PNPLA1: variants seen among roughly 807,000 people sequenced by gnomAD.
PNPLA1 encodes patatin like domain 1, omega-hydroxyceramide transacylase.
A neutral mutation model predicts 51.7 loss-of-function variants in PNPLA1; 36 were observed. That is an observed-to-expected ratio of 0.70 (90% CI 0.53 to 0.92). The LOEUF (loss-of-function observed/expected upper bound fraction) is 0.92, where lower values mean the gene tolerates loss of function less well. Among genes scored for constraint, PNPLA1 ranks in the 40% least tolerant of loss-of-function variants. The pLI is 0.00. For missense variants in PNPLA1, 658 were observed against 682.5 expected (o/e 0.96, Z 0.40); for synonymous variants, 293 against 280.1 (o/e 1.05, Z -0.46).
intron 8 of PNPLA1, chr6:36,308,694 G>C (rs1433401619): frequency 6.6e-6 from 1 of 152,092 alleles, no homozygotes; most frequent in Non-Finnish European, 1.5e-5. Flanking sequence ...CCTAAACCAA[G>C]TTTTAATTTT....
intron 5 of PNPLA1, among the ~76,000 whole-genome samples, chr6:36,297,740 T>A (rs2127348719): frequency 6.6e-6 from 1 of 152,268 alleles, no homozygotes; most frequent in African/African-American, 2.4e-5. Flanking sequence ...AGGTTGGAGC[T>A]CAGAGGATGC....
At chr6:36,282,103 A>G (rs1160981880) in intron 1 of PNPLA1, among the ~76,000 whole-genome samples, 1 of 142,624 alleles carries the variant, frequency 7.0e-6, no homozygotes, top group East Asian at 2.0e-4. Context: ...GAAGGAAGGA[A>G]GGAAGGAAGG....
intron 1 of PNPLA1, among the ~76,000 whole-genome samples, chr6:36,280,399 G>T (rs1169137361): frequency 6.6e-6 from 1 of 152,150 alleles, no homozygotes; most frequent in Non-Finnish European, 1.5e-5. Context: ...TTGCTGACTT[G>T]GGACCAATTT....
At chr6:36,304,452 C>A (rs1479887051) in intron 6 of PNPLA1, among the ~76,000 whole-genome samples, 2 of 151,816 alleles carry the variant, frequency 1.3e-5, no homozygotes, top group South Asian at 2.1e-4. Flanking sequence ...GTGGTGAAAC[C>A]CCATCTCTAC....
chr6:36,243,840 A>G lies in PNPLA1; in HGVS notation c.-81+579A>G, dbSNP rs547248955. ...GATGAATTGCATGTGCCCTCCAGGAAGTTTGGAAGCTGGTCTGGAGAGTGT... is the reference window on the plus strand; with the variant it reads ...GATGAATTGCATGTGCCCTCCAGGAGGTTTGGAAGCTGGTCTGGAGAGTGT... On this transcript the variant is annotated intron_variant, in intron 1 of 7. Transcript: ENST00000312917. 2.6e-5 allele frequency among the ~76,000 whole-genome samples: 4 copies of G among 152,312 alleles called. 1 individual carries two copies. In the South Asian group the frequency reaches 8.3e-4, roughly 32 times the overall value.
Position 36,293,128 on chromosome 6 carries a change from T to C in PNPLA1, c.504+2T>C. On this transcript the variant is annotated splice_donor_variant, in intron 3 of 8. Coordinates refer to ENST00000636260, the MANE Select transcript of PNPLA1 (RefSeq NM_001374623.1). LOFTEE classifies it high-confidence loss of function. ...ATCCCCCCGACTTACCGCGGTGTGG[T>C]GAGTGCTTCGGCATGGTGAGGGGTG... The C allele has an allele frequency of 1.2e-6, 2 of 1,613,816 alleles. No individual in the cohort carries two copies. Among genetic ancestry groups the C allele is most frequent in the Admixed American group, 1.7e-5 (1 of 60,008 alleles).
intron 1 of PNPLA1, among the ~76,000 whole-genome samples, chr6:36,245,847 GACTCCCCGCACAGTTTC>G (rs939195938): frequency 1.3e-5 from 2 of 152,132 alleles, no homozygotes; most frequent in Non-Finnish European, 2.9e-5. Context: ...CAGGCTCCCT[GACTCCCCGCACAGTTTC>G]ACTCCCCGCC....
chr6:36,289,608 G>T (rs904892942), intron 1 of PNPLA1, among the ~76,000 whole-genome samples: 13 of 100,920 alleles, frequency 1.3e-4, no homozygotes, highest in African/African-American at 5.7e-4. Flanking sequence ...GATTCTGAAG[G>T]TTCGAAAAAA....
intron 1 of PNPLA1, among the ~76,000 whole-genome samples, chr6:36,247,281 T>C (rs2127308445): frequency 6.6e-6 from 1 of 152,252 alleles, no homozygotes; most frequent in Admixed American, 6.5e-5. Flanking sequence ...CAGCCTAAAT[T>C]CCAGGGTTAG....
chr6:36,262,117 A>C (rs556688303), intron 1 of PNPLA1, among the ~76,000 whole-genome samples: 1 of 152,304 alleles, frequency 6.6e-6, no homozygotes, highest in East Asian at 1.9e-4. Context: ...CAGTGCAAGG[A>C]GACTGAGAGC....
chr6:36,266,344 G>T (rs897289989), upstream of PNPLA1, among the ~76,000 whole-genome samples: 3 of 152,160 alleles, frequency 2.0e-5, no homozygotes, highest in Non-Finnish European at 4.4e-5. Context: ...TGAAGCAATG[G>T]GTAACCAATA....
intron 1 of PNPLA1, among the ~76,000 whole-genome samples, chr6:36,289,382 G>T (rs1383525322): frequency 6.6e-6 from 1 of 152,134 alleles, no homozygotes; most frequent in Admixed American, 6.5e-5. Context: ...CAACACCTTG[G>T]TATCCAAATG....
At chr6:36,291,641 A>T (rs1770688785) in intron 2 of PNPLA1, 89 bp downstream of exon 2, 1 of 1,129,340 alleles carries the variant, frequency 8.9e-7, no homozygotes, top group African/African-American at 1.5e-5. Flanking sequence ...CCGATGCCTT[A>T]TCCACCTGCC....
intron 1 of PNPLA1, among the ~76,000 whole-genome samples, chr6:36,287,722 G>A (rs115150535): frequency 0.023 from 3,553 of 151,630 alleles, 127 homozygotes; most frequent in African/African-American, 0.075. Flanking sequence ...GAGACACAGA[G>A]AAAGACAGTC....
chr6:36,263,121 C>G (rs957225654), intron 1 of PNPLA1, among the ~76,000 whole-genome samples: 1 of 151,978 alleles, frequency 6.6e-6, no homozygotes, highest in Non-Finnish European at 1.5e-5. Context: ...CATCCTGATG[C>G]CTTTAAAACA....
chr6:36,272,575 G>A (rs1769952248), intron 1 of PNPLA1, among the ~76,000 whole-genome samples: 1 of 152,186 alleles, frequency 6.6e-6, no homozygotes, highest in Non-Finnish European at 1.5e-5. Flanking sequence ...TTGAGAATGT[G>A]GCAACCATCT....
chr6:36,305,985 C>T (rs963749134), intron 6 of PNPLA1, among the ~76,000 whole-genome samples: 1 of 152,052 alleles, frequency 6.6e-6, no homozygotes, highest in African/African-American at 2.4e-5. Flanking sequence ...AAATTCCTGG[C>T]CTCAAGTGAT....
At chr6:36,293,204 AG>A (rs1770746382) in intron 3 of PNPLA1, 78 bp downstream of exon 3, 34 of 1,422,716 alleles carry the variant, frequency 2.4e-5, no homozygotes, top group South Asian at 4.7e-5. Context: ...CTGGGGGAGC[AG>A]GGGGGTGGTC....
In PNPLA1 at chr6:36,281,450, G is replaced by C. The variant is rs556943366; in HGVS notation, c.206-9870G>C. Among the ~76,000 whole-genome samples the C allele has an allele frequency of 2.0e-5, 3 of 152,256 alleles. No individual in the cohort carries two copies. In the South Asian group the frequency reaches 6.2e-4, roughly 32 times the overall value. ...AAGCACTTAGAATGTGCCAGGTCCC[G>C]TGCTAAGTGCTTCATATGCATCATT... On this transcript the variant is annotated intron_variant, in intron 1 of 8. Coordinates refer to ENST00000636260, the MANE Select transcript of PNPLA1 (RefSeq NM_001374623.1).
Sources: gnomAD v4.1 joint callset for allele counts (sites outside exome capture counted in the v4.1 genomes callset) on GRCh38, gnomAD v4.1.1 for gene constraint, MANE v1.5 for transcripts, NCBI Gene and HGNC (gene_info 2026-07-23, HGNC 2026-07-21) for gene names.